FOXN3: variants seen among roughly 807,000 people sequenced by gnomAD.
FOXN3 encodes forkhead box N3, also known as forkhead box protein N3.
FOXN3 carries 7 observed loss-of-function variants against 38.4 expected under a neutral mutation model. The observed-to-expected ratio is 0.18, with a 90% CI of 0.10 to 0.34. The LOEUF (loss-of-function observed/expected upper bound fraction) is 0.34. Ranked by LOEUF, FOXN3 falls within the 10% of genes least tolerant of loss-of-function variation. The probability of loss-of-function intolerance (pLI) is 1.00; values close to 1 mark genes in which losing one functional copy is unlikely to be tolerated. For missense variants in FOXN3, 456 were observed against 613.4 expected (o/e 0.74, Z 2.71); for synonymous variants, 230 against 242.2 (o/e 0.95, Z 0.47).
Position 89,505,323 on chromosome 14 carries a change from G to A in FOXN3, c.-14-92833C>T, listed in dbSNP as rs979974459. Among the ~76,000 whole-genome samples, 18 of 126,730 alleles carry A rather than the reference G, an allele frequency of 1.4e-4. 1 individual carries two copies. In the Admixed American group the frequency reaches 1.5e-3, roughly 10 times the overall value. The allele number at this position is 126,730 out of a possible 152,430, so 83.1% of individuals were successfully genotyped here. On this transcript the variant is annotated intron_variant, in intron 1 of 6. Transcript: ENST00000345097. ...CTCCCCACGGTCTCCCTCTGATGCC[G>A]AGCCGAGGCTGGACTGTGCTGCTGC...
intron 1 of FOXN3, among the ~76,000 whole-genome samples, chr14:89,444,807 G>A (rs887161022): frequency 6.6e-6 from 1 of 152,124 alleles, no homozygotes; most frequent in African/African-American, 2.4e-5. Flanking sequence ...CTGGGAGGCA[G>A]TTCAGAGCAG....
intron 1 of FOXN3, among the ~76,000 whole-genome samples, chr14:89,572,295 T>C (rs916808361): frequency 6.6e-5 from 10 of 152,250 alleles, no homozygotes; most frequent in Middle Eastern, 3.2e-3. Context: ...GAAGCAGTGC[T>C]AAAACACATT....
chr14:89,531,200 T>G (rs1894560861), intron 1 of FOXN3, among the ~76,000 whole-genome samples: 1 of 151,518 alleles, frequency 6.6e-6, no homozygotes, highest in East Asian at 1.9e-4. Context: ...TCAGGTTTCT[T>G]TACGCAGTCC....
At chr14:89,608,511 G>T (rs569831718) in intron 1 of FOXN3, among the ~76,000 whole-genome samples, 1 of 152,210 alleles carries the variant, frequency 6.6e-6, no homozygotes, top group Non-Finnish European at 1.5e-5. Context: ...GGTGTACAAT[G>T]TATCTATATC....
intron 2 of FOXN3, among the ~76,000 whole-genome samples, chr14:89,410,157 G>A (rs751931781): frequency 2.1e-5 from 3 of 140,484 alleles, no homozygotes; most frequent in South Asian, 2.5e-4. Flanking sequence ...ACACAAACAC[G>A]TCCAATTTGA....
intron 4 of FOXN3, among the ~76,000 whole-genome samples, chr14:89,236,287 G>A (rs556085951): frequency 2.3e-4 from 35 of 152,220 alleles, no homozygotes; most frequent in African/African-American, 7.0e-4. Context: ...AGGCCGAGGC[G>A]GGTGGATCAC....
chr14:89,472,516 C>A (rs1322589490), intron 1 of FOXN3, among the ~76,000 whole-genome samples: 4 of 151,974 alleles, frequency 2.6e-5, no homozygotes, highest in Non-Finnish European at 4.4e-5. Flanking sequence ...GTCAGGAGAT[C>A]GAGACCACCT....
chr14:89,362,368 T>A lies in FOXN3; in HGVS notation c.544-11560A>T, dbSNP rs62649135. ...CACCACCACCACCTCCTCCTCCTCC[T>A]CCACCACCACCTCCACCACCACCAC... On this transcript the variant is annotated intron_variant, in intron 2 of 5. Coordinates refer to ENST00000557258, the MANE Select transcript of FOXN3 (RefSeq NM_005197.4). Among the ~76,000 whole-genome samples the A allele has an allele frequency of 3.1e-3, 4 of 1,310 alleles. 1 individual carries two copies. Among genetic ancestry groups the A allele is most frequent in the African/African-American group, 3.3e-3 (4 of 1,210 alleles). 0.9% of individuals were successfully genotyped at this position (1,310 alleles called of 152,430 possible). A position where few individuals can be genotyped will look rare whatever the true frequency, so the allele number is the denominator to read the frequency against.
chr14:89,224,835 T>C (rs1884580818), intron 4 of FOXN3, among the ~76,000 whole-genome samples: 1 of 152,028 alleles, frequency 6.6e-6, no homozygotes, highest in Admixed American at 6.5e-5. Context: ...CCTGTCTCTA[T>C]AAAAAGAACT....
intron 4 of FOXN3, among the ~76,000 whole-genome samples, chr14:89,268,274 C>T (rs1024235704): frequency 4.6e-5 from 7 of 152,164 alleles, no homozygotes; most frequent in Admixed American, 3.9e-4. Flanking sequence ...AGTATTACTA[C>T]TATGATCCTA....
rs534235439 is a variant in FOXN3 at position 89,609,511 on chromosome 14, G to C, written c.-15+9517C>G. Among the ~76,000 whole-genome samples the C allele has an allele frequency of 1.8e-4, 27 of 152,234 alleles. No individual in the cohort carries two copies. In the South Asian group the frequency reaches 5.4e-3, roughly 30 times the overall value. On this transcript the variant is annotated intron_variant, in intron 1 of 6. Transcript: ENST00000345097. ...AATTTGAGTTGCAACCACGTGCCAG[G>C]CTCCGTGCCAAGTGCTTTTCAGGGA...
intron 1 of FOXN3, among the ~76,000 whole-genome samples, chr14:89,488,254 C>T (rs1262404166): frequency 1.3e-5 from 2 of 152,006 alleles, no homozygotes; most frequent in African/African-American, 2.4e-5. Flanking sequence ...GGCTAATTTT[C>T]GTACTTTTAG....
intron 1 of FOXN3, among the ~76,000 whole-genome samples, chr14:89,542,192 G>A (rs192188226): frequency 4.6e-5 from 7 of 152,218 alleles, no homozygotes; most frequent in African/African-American, 7.2e-5. Context: ...AAGGGTTTGC[G>A]ATAAAGGATT....
In FOXN3 at chr14:89,412,439, C is replaced by G; in HGVS notation, c.38G>C (p.Ser13Thr). 2 of 1,610,554 alleles carry G rather than the reference C, an allele frequency of 1.2e-6. No individual in the cohort carries two copies. Among genetic ancestry groups the G allele is most frequent in the Non-Finnish European group, 1.7e-6 (2 of 1,177,296 alleles). The change falls in exon 2 of 6, where the codon AGC (serine) becomes ACC (threonine). Residue 13 changes from serine to threonine, a missense_variant. Ser to Thr is a moderately conservative substitution (Grantham distance 58). This residue lies in a region of FOXN3 where 59 missense variants were observed against 69.0 expected (regional missense o/e 0.85). Coordinates refer to ENST00000557258, the MANE Select transcript of FOXN3 (RefSeq NM_005197.4). The surrounding 1 kb of genome is among the most constrained non-coding windows in gnomAD (Gnocchi z 4.7). The stretch of plus-strand genomic sequence containing the variant: ...TCCACTGGAGACACTAATTCCTGAG[C>G]TTTCTGGCTTCTTACTGGGAGGCAT... ...PVMPPSKKPE[S>T]SGISVSSGLS...
intron 1 of FOXN3, among the ~76,000 whole-genome samples, chr14:89,564,384 A>C (rs981646514): frequency 6.6e-6 from 1 of 152,170 alleles, no homozygotes; most frequent in African/African-American, 2.4e-5. Context: ...CTCGTCTCTG[A>C]ATTCTTTCTA....
chr14:89,487,205 T>C (rs929389824), intron 1 of FOXN3, among the ~76,000 whole-genome samples: 4 of 152,198 alleles, frequency 2.6e-5, no homozygotes, highest in African/African-American at 9.7e-5. Context: ...GGTTAACCAA[T>C]AATCTTGCAA....
At chr14:89,601,837 C>T (rs1896159903) in intron 1 of FOXN3, among the ~76,000 whole-genome samples, 1 of 152,094 alleles carries the variant, frequency 6.6e-6, no homozygotes, top group Non-Finnish European at 1.5e-5. Flanking sequence ...CTCCCTACAT[C>T]CAGCCCCTCA....
chr14:89,190,514 C>T, intron 4 of FOXN3: 2 of 1,361,932 alleles, frequency 1.5e-6, no homozygotes, highest in East Asian at 2.4e-5. Context: ...GTGTTTTTCC[C>T]CCTGCAAGTT....
intron 1 of FOXN3, among the ~76,000 whole-genome samples, chr14:89,589,366 C>T (rs1398443197): frequency 3.9e-5 from 6 of 152,148 alleles, no homozygotes; most frequent in Non-Finnish European, 8.8e-5. Context: ...TTAATAACTT[C>T]CACAAAATCA....
Sources: gnomAD v4.1 joint callset for allele counts (sites outside exome capture counted in the v4.1 genomes callset) on GRCh38, gnomAD v4.1.1 for gene constraint, gnomAD v4.1.1 regional missense constraint, Gnocchi (gnomAD v3.1) non-coding constraint, MANE v1.5 for transcripts, NCBI Gene and HGNC (gene_info 2026-07-23, HGNC 2026-07-21) for gene names.